FRMD3: variants seen among roughly 807,000 people sequenced by gnomAD.
FRMD3 encodes FERM domain containing 3.
Under a neutral mutation model 70.2 loss-of-function variants are expected in FRMD3, and 33 were observed. That is an observed-to-expected ratio of 0.47 (90% CI 0.36 to 0.63). The LOEUF (loss-of-function observed/expected upper bound fraction) is 0.63, where lower values mean the gene tolerates loss of function less well. FRMD3 is among the 20% of genes least tolerant of loss of function. FRMD3 has a pLI of 0.00. For synonymous variants in FRMD3, 279 were observed against 255.9 expected, an observed-to-expected ratio of 1.09 and a Z score of -0.86; for missense variants, 632 against 711.4, an observed-to-expected ratio of 0.89 and a Z score of 1.27.
intron 1 of FRMD3, among the ~76,000 whole-genome samples, chr9:83,508,040 C>T (rs114536035): frequency 0.011 from 1,626 of 152,148 alleles, 32 homozygotes; most frequent in African/African-American, 0.037. Flanking sequence ...TGGTGCCTGA[C>T]TGCATTTATA....
intron 1 of FRMD3, among the ~76,000 whole-genome samples, chr9:83,501,219 G>A (rs984747450): frequency 9.9e-5 from 15 of 152,064 alleles, no homozygotes; most frequent in Admixed American, 6.6e-4. Flanking sequence ...GCATGAACCC[G>A]GGAGGCGGAG....
At chr9:83,562,022 A>G in the FRMD3 span, among the ~76,000 whole-genome samples, 1 of 152,230 alleles carries the variant, frequency 6.6e-6, no homozygotes, top group Non-Finnish European at 1.5e-5. Flanking sequence ...TACAGGGTAT[A>G]TAATTTATTC....
chr9:83,266,696 T>C (rs1833271226), intron 13 of FRMD3, among the ~76,000 whole-genome samples: 1 of 152,156 alleles, frequency 6.6e-6, no homozygotes, highest in Non-Finnish European at 1.5e-5. Flanking sequence ...AATCTTCTCA[T>C]GTTATGGAAC....
chr9:83,247,789 G>A lies in FRMD3; in HGVS notation c.*129C>T. On this transcript the variant is annotated 3_prime_UTR_variant, in exon 14 of 14. Coordinates refer to ENST00000304195, the MANE Select transcript of FRMD3 (RefSeq NM_174938.6). ...GTGAATTATGGAAAGCTAACTTAAA[G>A]GTTTGAATAATCAATTATGAGTAAG... 1 of 1,493,982 alleles carries A rather than the reference G, an allele frequency of 6.7e-7. No homozygotes were observed. Among genetic ancestry groups the A allele is most frequent in the Admixed American group, 2.3e-5 (1 of 42,934 alleles). The allele number at this position is 1,493,982 out of a possible 1,614,324, so 92.5% of individuals were successfully genotyped here. A position where few individuals can be genotyped will look rare whatever the true frequency, so the allele number is the denominator to read the frequency against.
chr9:83,309,190 G>A lies in FRMD3; in HGVS notation c.926+346C>T, dbSNP rs932915286. On this transcript the variant is annotated intron_variant, in intron 10 of 13. Coordinates refer to ENST00000304195, the MANE Select transcript of FRMD3 (RefSeq NM_174938.6). Reference sequence around the variant, plus strand: ...CAAACTATCTCAAGGTCTGCTTTGTGGGGGTGGGGGGAGGAGGGCAACCAA... The same window carrying A: ...CAAACTATCTCAAGGTCTGCTTTGTAGGGGTGGGGGGAGGAGGGCAACCAA... Among the ~76,000 whole-genome samples the A allele has an allele frequency of 7.8e-4, 118 of 151,980 alleles. 1 individual carries two copies. Among genetic ancestry groups the A allele is most frequent in the African/African-American group, 2.8e-3 (114 of 41,428 alleles).
chr9:83,422,915 C>T lies in FRMD3; in HGVS notation c.148-33207G>A, dbSNP rs986822437. On this transcript the variant is annotated intron_variant, in intron 1 of 13. Transcript: ENST00000304195. ...GTGATGTTTAGGTAGCAGAAGCCTC[C>T]GATGGAGGATTGCTTAGGCCACCAG... Among the ~76,000 whole-genome samples the T allele has an allele frequency of 7.2e-5, 11 of 152,158 alleles. No homozygotes were observed. In the East Asian group the frequency reaches 2.1e-3, roughly 29 times the overall value.
At chr9:83,564,225 A>AAATAAT in the FRMD3 span, among the ~76,000 whole-genome samples, 8 of 151,640 alleles carry the variant, frequency 5.3e-5, no homozygotes, top group East Asian at 1.9e-4. Context: ...AGCCAATTTA[A>AAATAAT]AATAATAATA....
At chr9:83,421,848 G>A (rs1038885757) in intron 1 of FRMD3, among the ~76,000 whole-genome samples, 2 of 152,120 alleles carry the variant, frequency 1.3e-5, no homozygotes, top group Admixed American at 1.3e-4. Flanking sequence ...TAAAGTCAGG[G>A]GAATTCAAAA....
At chr9:83,423,873 G>A (rs1313890808) in intron 1 of FRMD3, among the ~76,000 whole-genome samples, 2 of 152,028 alleles carry the variant, frequency 1.3e-5, no homozygotes, top group African/African-American at 4.8e-5. Context: ...TGGGATTACA[G>A]GCATGAGCCG....
In FRMD3 at chr9:83,446,725, G is replaced by C. The variant is rs967051854; in HGVS notation, c.148-57017C>G. ...AAGAAAAGATGAGATTTGCCAAGTAGAAAAGAAAAGATTTGCCAAGTAGGA... is the reference window on the plus strand; with the variant it reads ...AAGAAAAGATGAGATTTGCCAAGTACAAAAGAAAAGATTTGCCAAGTAGGA... On this transcript the variant is annotated intron_variant, in intron 1 of 13. Coordinates refer to ENST00000304195, the MANE Select transcript of FRMD3 (RefSeq NM_174938.6). 1.1e-4 allele frequency among the ~76,000 whole-genome samples: 16 copies of C among 151,104 alleles called. No homozygotes were observed. In the East Asian group the frequency reaches 2.0e-3, roughly 18 times the overall value.
intron 6 of FRMD3, among the ~76,000 whole-genome samples, chr9:83,317,470 C>G (rs1835630827): frequency 6.6e-6 from 1 of 152,208 alleles, no homozygotes; most frequent in East Asian, 1.9e-4. Flanking sequence ...ATTCTACCAC[C>G]CACTAATAAG....
Position 83,247,935 on chromosome 9 carries a change from T to C in FRMD3, c.1777A>G (p.Met593Val), listed in dbSNP as rs776201740. 8.1e-6 allele frequency: 13 copies of C among 1,613,890 alleles called. No individual in the cohort carries two copies. Among genetic ancestry groups the C allele is most frequent in the South Asian group, 1.1e-5 (1 of 91,076 alleles). Residue 593 changes from methionine to valine, a missense_variant, in exon 14 of 14, where the codon ATG (methionine) becomes GTG (valine). By Grantham distance (21) the Met-to-Val change is conservative. Coordinates refer to ENST00000304195, the MANE Select transcript of FRMD3 (RefSeq NM_174938.6). ...GATTAACTTCATGAGCAACCCAGCA[T>C]GTAGAGGATGAGGTGGACTTTCCCA... is the stretch of plus-strand genomic sequence containing the variant. ...VAGKVHLILY[M>V]LGCS
In FRMD3 at chr9:83,311,995, A is replaced by G. The variant is rs767017490; in HGVS notation, c.685-20T>C. 9 of 1,537,964 alleles carry G rather than the reference A, an allele frequency of 5.9e-6. No homozygotes were observed. In the African/African-American group the frequency reaches 1.1e-4, roughly 19 times the overall value. ...TGAATCCTGAAAAAAAAAAAAAAGAAAAAAGAAAAATCTGTTTAGATTGAG... is the reference window on the plus strand; with the variant it reads ...TGAATCCTGAAAAAAAAAAAAAAGAGAAAAGAAAAATCTGTTTAGATTGAG... On this transcript the variant is annotated intron_variant, in intron 7 of 13. Transcript: ENST00000304195.
At chr9:83,520,970 C>CAAAAAAAAAAAAAAA (rs144061788) in intron 1 of FRMD3, among the ~76,000 whole-genome samples, 1 of 56,126 alleles carries the variant, frequency 1.8e-5, no homozygotes, top group Non-Finnish European at 3.4e-5. Flanking sequence ...ACTAAAAATA[C>CAAAAAAAAAAAAAAA]AAAAAAAAAA....
At chr9:83,309,684 G>A (rs1835277465) in intron 9 of FRMD3, 60 bp from the exon 10 acceptor site, 1 of 1,098,358 alleles carries the variant, frequency 9.1e-7, no homozygotes, top group Non-Finnish European at 1.3e-6. Context: ...ATTTTCCATG[G>A]GTTTTTTTTT....
intron 1 of FRMD3, among the ~76,000 whole-genome samples, chr9:83,397,126 T>A (rs1315677356): frequency 6.6e-6 from 1 of 152,210 alleles, no homozygotes; most frequent in Admixed American, 6.5e-5. Flanking sequence ...ATGGGGAGAC[T>A]GCACATAAAA....
upstream of FRMD3, chr9:83,538,518 C>T (rs2131569520): frequency 3.6e-6 from 1 of 281,150 alleles, no homozygotes; most frequent in African/African-American, 2.2e-5. This position sits in a 1 kb window ranked among gnomAD's most constrained non-coding sequence, Gnocchi z 4.7. Context: ...CGAGGACGCC[C>T]AGAGCCTGAG....
At chr9:83,265,099 A>G (rs1833180142) in intron 13 of FRMD3, among the ~76,000 whole-genome samples, 1 of 152,172 alleles carries the variant, frequency 6.6e-6, no homozygotes, top group South Asian at 2.1e-4. Flanking sequence ...TTCTCTGTGC[A>G]TATAAAAAGT....
chr9:83,390,367 G>A (rs1012546597), intron 1 of FRMD3, among the ~76,000 whole-genome samples: 10 of 152,170 alleles, frequency 6.6e-5, no homozygotes, highest in African/African-American at 2.4e-4. Context: ...TGCTGTGAGT[G>A]GTAACTAAAT....
Sources: allele counts gnomAD v4.1 joint callset (sites outside exome capture counted in the v4.1 genomes callset), GRCh38; gene constraint gnomAD v4.1.1; non-coding constraint Gnocchi (gnomAD v3.1); transcripts MANE v1.5; gene names NCBI Gene and HGNC (gene_info 2026-07-23, HGNC 2026-07-21).